KLHL7: variants seen among roughly 807,000 people sequenced by gnomAD.
KLHL7 encodes kelch-like protein 7.
In KLHL7, 44 loss-of-function variants were observed where a neutral mutation model predicts 67.4. The observed-to-expected ratio is 0.65, with a 90% CI of 0.51 to 0.84. KLHL7 has a LOEUF of 0.84. KLHL7 is among the 40% of genes least tolerant of loss of function. The pLI is 0.00. For missense variants in KLHL7, 362 were observed against 718.1 expected (o/e 0.50, Z 5.67); for synonymous variants, 252 against 243.3 (o/e 1.04, Z -0.33).
Position 23,167,840 on chromosome 7 carries a change from C to T in KLHL7, c.1182C>T (p.Asn394=), listed in dbSNP as rs1331353101. ...IYTSGGSEVG[N]SALYLFECYD... ...TGGGGCCTTTTTCTTTTACAGGAAA[C>T]TCAGCTCTGTATTTATTTGAGTGCT... Residue 394 remains asparagine (N), a synonymous_variant, in exon 9 of 11, where the codon AAC becomes AAT. Transcript: ENST00000339077. The T allele has an allele frequency of 6.2e-7, 1 of 1,614,014 alleles. No homozygotes were observed. The highest frequency in any genetic ancestry group is 8.5e-7 in the Non-Finnish European group (1 of 1,179,998).
chr7:23,143,666 A>G (rs1784265165), intron 5 of KLHL7, among the ~76,000 whole-genome samples, 185 bp from the exon 6 acceptor site: 2 of 152,160 alleles, frequency 1.3e-5, no homozygotes. Flanking sequence ...CATATTACCT[A>G]CAAGACTCAC....
chr7:23,148,305 C>A (rs551747439), intron 6 of KLHL7, among the ~76,000 whole-genome samples: 1 of 150,806 alleles, frequency 6.6e-6, no homozygotes, highest in Admixed American at 6.6e-5. Flanking sequence ...TGTGTTTGAA[C>A]CTAGTCGAGG....
chr7:23,135,149 A>C (rs1783932966), intron 4 of KLHL7, among the ~76,000 whole-genome samples: 1 of 152,148 alleles, frequency 6.6e-6, no homozygotes, highest in South Asian at 2.1e-4. Flanking sequence ...TACTTGTTGC[A>C]AGAAATTTTT....
intron 7 of KLHL7, among the ~76,000 whole-genome samples, chr7:23,164,008 T>A (rs1408932883): frequency 6.6e-6 from 1 of 152,166 alleles, no homozygotes; most frequent in African/African-American, 2.4e-5. Flanking sequence ...TTCCTCTAGA[T>A]TTCCCTGTAG....
chr7:23,105,835 T>G lies in KLHL7; in HGVS notation c.-192T>G. ...GTTGGTAGCGTCGCTCCCTGAGCGT[T>G]TCTAAGGGGGCCGCCCGGCCTTGTC... On this transcript the variant is annotated 5_prime_UTR_variant, in exon 1 of 11. Transcript: ENST00000339077. The G allele has an allele frequency of 1.2e-6, 1 of 814,864 alleles. No homozygotes were observed. Among genetic ancestry groups the G allele is most frequent in the Non-Finnish European group, 2.0e-6 (1 of 510,386 alleles). The allele number at this position is 814,864 out of a possible 1,614,324, so 50.5% of individuals were successfully genotyped here. A position where few individuals can be genotyped will look rare whatever the true frequency, so the allele number is the denominator to read the frequency against.
intron 10 of KLHL7, 38 bp downstream of exon 10, chr7:23,173,083 A>G (rs1488725759): frequency 4.9e-6 from 7 of 1,421,630 alleles, no homozygotes; most frequent in Non-Finnish European, 7.0e-6. Flanking sequence ...TTTCCTGATG[A>G]GTTTGCTGAT....
At chr7:23,128,064 G>A (rs552382574) in intron 4 of KLHL7, among the ~76,000 whole-genome samples, 27 of 151,940 alleles carry the variant, frequency 1.8e-4, no homozygotes, top group African/African-American at 6.3e-4. Context: ...GGGAGGCGGA[G>A]GTTGCAGTGA....
At chr7:23,144,270 C>A (rs1380961393) in intron 6 of KLHL7, among the ~76,000 whole-genome samples, 1 of 151,894 alleles carries the variant, frequency 6.6e-6, no homozygotes, top group Non-Finnish European at 1.5e-5. Context: ...TTCTTGTATA[C>A]AATAACTTTC....
intron 4 of KLHL7, among the ~76,000 whole-genome samples, chr7:23,135,502 T>G (rs573464874): frequency 6.6e-6 from 1 of 152,324 alleles, no homozygotes; most frequent in South Asian, 2.1e-4. Context: ...GTCTGGAAGA[T>G]CTCTCCAGTG....
At chr7:23,128,577 G>T (rs550968415) in intron 4 of KLHL7, among the ~76,000 whole-genome samples, 1 of 151,924 alleles carries the variant, frequency 6.6e-6, no homozygotes, top group African/African-American at 2.4e-5. Flanking sequence ...GCTTACATTT[G>T]GGGTGATAAA....
chr7:23,113,210 C>G (rs555205819), intron 1 of KLHL7, among the ~76,000 whole-genome samples: 7 of 151,906 alleles, frequency 4.6e-5, no homozygotes, highest in Non-Finnish European at 1.0e-4. Context: ...GGAATGTAGT[C>G]TTTGCGAAGA....
At chr7:23,140,418 G>A (rs970463795) in intron 4 of KLHL7, among the ~76,000 whole-genome samples, 2 of 152,170 alleles carry the variant, frequency 1.3e-5, no homozygotes, top group Non-Finnish European at 1.5e-5. Context: ...TTAGCCAGGC[G>A]TGGTGGCGAG....
intron 4 of KLHL7, among the ~76,000 whole-genome samples, chr7:23,135,069 T>C (rs937547911): frequency 1.3e-5 from 2 of 152,230 alleles, no homozygotes; most frequent in African/African-American, 4.8e-5. Flanking sequence ...TAGGCACTTA[T>C]AACTATAAAT....
chr7:23,129,707 C>G (rs1783724124), intron 4 of KLHL7: 1 of 156,972 alleles, frequency 6.4e-6, no homozygotes, highest in African/African-American at 2.4e-5. Flanking sequence ...GGAGCCAGTC[C>G]CAGAACTTTA....
intron 6 of KLHL7, among the ~76,000 whole-genome samples, chr7:23,145,830 G>A (rs993782209): frequency 1.3e-5 from 2 of 152,146 alleles, no homozygotes; most frequent in African/African-American, 2.4e-5. Context: ...TGTCCGGCAC[G>A]AGTGATCCTT....
chr7:23,150,135 G>A (rs193254199), intron 6 of KLHL7, among the ~76,000 whole-genome samples: 38 of 152,198 alleles, frequency 2.5e-4, no homozygotes, highest in Admixed American at 1.2e-3. Flanking sequence ...TCCAGCCCAA[G>A]TGACAGAGCA....
At chr7:23,129,228 G>A (rs1208483962) in intron 4 of KLHL7, 3 of 222,982 alleles carry the variant, frequency 1.3e-5, no homozygotes, top group South Asian at 1.2e-4. Flanking sequence ...CCCCAGACCT[G>A]GGCTTAGGCA....
intron 10 of KLHL7, among the ~76,000 whole-genome samples, 195 bp from the exon 11 acceptor site, chr7:23,173,820 A>G (rs565611786): frequency 6.6e-5 from 10 of 152,378 alleles, no homozygotes; most frequent in African/African-American, 2.4e-4. Flanking sequence ...AAGAAATATT[A>G]AATGTCTATT....
At chr7:23,156,946 C>G (rs1363305003) in intron 7 of KLHL7, among the ~76,000 whole-genome samples, 3 of 152,050 alleles carry the variant, frequency 2.0e-5, no homozygotes, top group Non-Finnish European at 1.5e-5. Flanking sequence ...AAGAAGTTAT[C>G]TTTAACTTGG....
Sources: gnomAD v4.1 joint callset for allele counts (sites outside exome capture counted in the v4.1 genomes callset) on GRCh38, gnomAD v4.1.1 for gene constraint, MANE v1.5 for transcripts, NCBI Gene and HGNC (gene_info 2026-07-23, HGNC 2026-07-21) for gene names.